The following TLE4 variants were observed in gnomAD, a reference collection of about 807,000 sequenced individuals.
TLE4 encodes TLE family member 4, transcriptional corepressor.
TLE4 carries 8 observed loss-of-function variants against 92.8 expected under a neutral mutation model. The observed-to-expected ratio is 0.09, with a 90% CI of 0.05 to 0.16. The LOEUF is 0.16. Among genes scored for constraint, TLE4 ranks in the 10% least tolerant of loss-of-function variants. The probability of loss-of-function intolerance (pLI) is 1.00; values close to 1 mark genes in which losing one functional copy is unlikely to be tolerated. For synonymous variants in TLE4, 371 were observed against 374.1 expected (o/e 0.99, Z 0.10); for missense variants, 675 against 997.6 (o/e 0.68, Z 4.36).
intron 8 of TLE4, among the ~76,000 whole-genome samples, chr9:79,661,602 A>C (rs1034077121): frequency 6.6e-6 from 1 of 152,200 alleles, no homozygotes; most frequent in Non-Finnish European, 1.5e-5. Flanking sequence ...GATGCTTTTA[A>C]ATAAGGTTGC....
At chr9:79,653,001 C>A in intron 7 of TLE4, 1 of 678,214 alleles carries the variant, frequency 1.5e-6, no homozygotes, top group Non-Finnish European at 2.7e-6. Context: ...TCCCTAGAGG[C>A]AGAGGGGCCT....
At chr9:79,704,360 G>T (rs1277657044) in intron 8 of TLE4, among the ~76,000 whole-genome samples, 2 of 152,034 alleles carry the variant, frequency 1.3e-5, no homozygotes, top group Non-Finnish European at 2.9e-5. Flanking sequence ...TGATCTGCCC[G>T]CCTTGGCTTC....
intron 8 of TLE4, among the ~76,000 whole-genome samples, chr9:79,684,077 G>A (rs927773508): frequency 2.0e-5 from 3 of 152,292 alleles, no homozygotes; most frequent in Admixed American, 6.5e-5. Context: ...TTAAAAATGA[G>A]AAGGAGTATT....
At chr9:79,676,334 A>G (rs2063254661) in intron 8 of TLE4, among the ~76,000 whole-genome samples, 1 of 152,184 alleles carries the variant, frequency 6.6e-6, no homozygotes, top group South Asian at 2.1e-4. Context: ...ATATAAGAAA[A>G]TGCCTTTATG....
chr9:79,615,927 C>G (rs1245543346), intron 5 of TLE4, among the ~76,000 whole-genome samples: 1 of 152,132 alleles, frequency 6.6e-6, no homozygotes, highest in Non-Finnish European at 1.5e-5. Context: ...AAAGTGAGTA[C>G]TCATCACTTG....
chr9:79,615,718 G>T (rs192877432), intron 5 of TLE4, among the ~76,000 whole-genome samples: 2 of 152,204 alleles, frequency 1.3e-5, no homozygotes, highest in Admixed American at 1.3e-4. Context: ...TTAGAAATGA[G>T]TTGTATAATT....
intron 4 of TLE4, among the ~76,000 whole-genome samples, chr9:79,601,014 A>G (rs2045518852): frequency 6.6e-6 from 1 of 152,216 alleles, no homozygotes; most frequent in African/African-American, 2.4e-5. Context: ...GGTGCTTCTA[A>G]CAAATCCATC....
chr9:79,628,091 T>C (rs1278177471), intron 6 of TLE4, among the ~76,000 whole-genome samples: 4 of 152,122 alleles, frequency 2.6e-5, no homozygotes, highest in Non-Finnish European at 4.4e-5. Context: ...GTTTTTTTTT[T>C]CTCAGATTAA....
At chr9:79,574,966 G>A (rs1203025463) in intron 3 of TLE4, 30 bp downstream of exon 3, 3 of 1,598,650 alleles carry the variant, frequency 1.9e-6, no homozygotes. Flanking sequence ...GATTCAAAGT[G>A]CCTATTAGTT....
intron 8 of TLE4, among the ~76,000 whole-genome samples, chr9:79,665,625 C>A (rs2061270156): frequency 6.6e-6 from 1 of 152,166 alleles, no homozygotes; most frequent in Admixed American, 6.5e-5. Context: ...ATGCCAGTGG[C>A]AACGTTCTGT....
At chr9:79,599,214 C>G (rs1347561351) in intron 4 of TLE4, among the ~76,000 whole-genome samples, 5 of 152,098 alleles carry the variant, frequency 3.3e-5, no homozygotes, top group Admixed American at 2.6e-4. Flanking sequence ...AAGTTCAAAC[C>G]CCTTAGTGTG....
intron 11 of TLE4, chr9:79,707,142 T>C (rs534627659): frequency 6.2e-7 from 1 of 1,612,942 alleles, no homozygotes; most frequent in African/African-American, 1.3e-5. Flanking sequence ...ATGGGGAAAT[T>C]GAGTGAAACA....
At chr9:79,678,949 A>T (rs1034828349) in intron 8 of TLE4, among the ~76,000 whole-genome samples, 1 of 152,044 alleles carries the variant, frequency 6.6e-6, no homozygotes, top group Admixed American at 6.6e-5. Flanking sequence ...AAGGACAGGA[A>T]CTCATCATTT....
At chr9:79,702,272 T>G (rs1166149476) in intron 8 of TLE4, among the ~76,000 whole-genome samples, 1 of 152,120 alleles carries the variant, frequency 6.6e-6, no homozygotes, top group African/African-American at 2.4e-5. Flanking sequence ...TAGGAAACTG[T>G]CCTTTTAAAA....
chr9:79,687,079 C>CT (rs2066023229), intron 8 of TLE4, among the ~76,000 whole-genome samples: 1 of 152,222 alleles, frequency 6.6e-6, no homozygotes, highest in African/African-American at 2.4e-5. Context: ...TCACATTTCA[C>CT]TGGGAAGACA....
intron 13 of TLE4, among the ~76,000 whole-genome samples, chr9:79,709,152 T>C (rs1387809757): frequency 6.6e-6 from 1 of 152,184 alleles, no homozygotes. Flanking sequence ...TTTAATGTAA[T>C]TTATATAATC....
intron 4 of TLE4, among the ~76,000 whole-genome samples, chr9:79,581,009 T>C (rs1379908224): frequency 6.6e-6 from 1 of 152,174 alleles, no homozygotes; most frequent in East Asian, 1.9e-4. Flanking sequence ...CTTGTGTTTT[T>C]GGTTTTCATT....
intron 8 of TLE4, among the ~76,000 whole-genome samples, chr9:79,687,251 G>GT (rs2066064297): frequency 6.6e-6 from 1 of 152,186 alleles, no homozygotes; most frequent in South Asian, 2.1e-4. Flanking sequence ...TTGGGTTAGT[G>GT]TTGCCATGGC....
rs1452970579 is a variant in TLE4, at chr9:79,631,077, C to T, written c.390+3629C>T. ...GTATGCCATGGTGTTGTAGGAATTG[C>T]AGTTTAGCACAAGAAATGCTGAACC... On this transcript the variant is annotated intron_variant, in intron 6 of 19. Transcript: ENST00000376552. 2.0e-5 allele frequency among the ~76,000 whole-genome samples: 3 copies of T among 152,164 alleles called. No homozygotes were observed. The East Asian group carries it at 5.8e-4, about 29-fold the overall frequency.
Sources: gnomAD v4.1 joint callset for allele counts (sites outside exome capture counted in the v4.1 genomes callset) on GRCh38, gnomAD v4.1.1 for gene constraint, MANE v1.5 for transcripts, NCBI Gene and HGNC (gene_info 2026-07-23, HGNC 2026-07-21) for gene names.